Variants in PTPRD observed in about 807,000 individuals in gnomAD.
PTPRD encodes protein tyrosine phosphatase receptor type D.
PTPRD carries 34 observed loss-of-function variants against 214.5 expected under a neutral mutation model. The ratio of observed to expected loss-of-function variants is 0.16; its 90% CI spans 0.12 to 0.21. The LOEUF (loss-of-function observed/expected upper bound fraction) is 0.21. Among genes scored for constraint, PTPRD ranks in the 10% least tolerant of loss-of-function variants. The pLI, the probability that PTPRD is intolerant of heterozygous loss-of-function variation, is 1.00. For missense variants in PTPRD, 2,545 were observed against 2,398.7 expected (o/e 1.06, Z -1.27); for synonymous variants, 1,128 against 845.7 (o/e 1.33, Z -5.79).
intron 9 of PTPRD, among the ~76,000 whole-genome samples, chr9:9,331,020 T>C (rs1434590504): frequency 6.6e-6 from 1 of 151,798 alleles, no homozygotes; most frequent in Non-Finnish European, 1.5e-5. Context: ...TTGCATGGAA[T>C]AAAAAATCCT....
At chr9:8,884,823 C>A (rs1210560751) in intron 11 of PTPRD, among the ~76,000 whole-genome samples, 2 of 152,164 alleles carry the variant, frequency 1.3e-5, no homozygotes, top group Non-Finnish European at 2.9e-5. Flanking sequence ...TCACAAGTAT[C>A]TGTGGAGGGC....
At chr9:8,405,281 G>A (rs533918248) in intron 35 of PTPRD, among the ~76,000 whole-genome samples, 10 of 152,192 alleles carry the variant, frequency 6.6e-5, no homozygotes, top group African/African-American at 2.2e-4. Context: ...AGATGAATAA[G>A]ATACAACCCA....
At chr9:9,947,346 A>AATATATATTATATATT (rs2092733397) in intron 4 of PTPRD, among the ~76,000 whole-genome samples, 3 of 43,688 alleles carry the variant, frequency 6.9e-5, no homozygotes, top group African/African-American at 2.3e-4. Flanking sequence ...TTATATATAT[A>AATATATATTATATATT]ATATATATTA....
chr9:8,478,506 T>C lies in PTPRD; in HGVS notation c.3413+5613A>G, dbSNP rs532579773. Among the ~76,000 whole-genome samples, 4 of 151,278 alleles carry C rather than the reference T, an allele frequency of 2.6e-5. No homozygotes were observed. In the East Asian group the frequency reaches 5.8e-4, roughly 22 times the overall value. Reference sequence around the variant, plus strand: ...ACATTGAGTACCTTCTGGTAGTTTTTTCTCCTAGTATAATCTGTGTTGTGC... The same window carrying C: ...ACATTGAGTACCTTCTGGTAGTTTTCTCTCCTAGTATAATCTGTGTTGTGC... On this transcript the variant is annotated intron_variant, in intron 30 of 45. Transcript: ENST00000381196.
chr9:10,043,771 T>G (rs1391350890), intron 3 of PTPRD, among the ~76,000 whole-genome samples: 3 of 151,824 alleles, frequency 2.0e-5, no homozygotes, highest in Admixed American at 6.6e-5. Context: ...CATCCCTTGA[T>G]TATTTCATGT....
intron 10 of PTPRD, among the ~76,000 whole-genome samples, chr9:9,075,476 T>C (rs914056712): frequency 6.6e-6 from 1 of 152,226 alleles, no homozygotes; most frequent in African/African-American, 2.4e-5. Flanking sequence ...GTTTGTTACA[T>C]ATGTATACAT....
intron 2 of PTPRD, among the ~76,000 whole-genome samples, chr9:10,562,295 A>G (rs939303948): frequency 4.6e-5 from 7 of 151,344 alleles, no homozygotes; most frequent in African/African-American, 1.7e-4. Context: ...AACGTAATGG[A>G]GGGTTTCTTA....
intron 2 of PTPRD, among the ~76,000 whole-genome samples, chr9:10,377,635 G>A (rs2097756831): frequency 6.6e-6 from 1 of 152,010 alleles, no homozygotes; most frequent in African/African-American, 2.4e-5. Flanking sequence ...CATTTTTTAT[G>A]GCTGCATAGT....
chr9:8,720,587 C>A (rs984820240), intron 12 of PTPRD, among the ~76,000 whole-genome samples: 2 of 152,062 alleles, frequency 1.3e-5, no homozygotes, highest in East Asian at 3.9e-4. Flanking sequence ...AATTTATAAT[C>A]AAATTGACAA....
intron 12 of PTPRD, among the ~76,000 whole-genome samples, chr9:8,684,790 G>C (rs2097645099): frequency 6.6e-6 from 1 of 152,072 alleles, no homozygotes; most frequent in Non-Finnish European, 1.5e-5. Context: ...TTTGACAAAA[G>C]TGCTTCTACG....
At chr9:9,026,855 T>C (rs2099589076) in intron 10 of PTPRD, among the ~76,000 whole-genome samples, 1 of 151,842 alleles carries the variant, frequency 6.6e-6, no homozygotes, top group African/African-American at 2.4e-5. Context: ...TTCTCTAAGC[T>C]GGACTCTCCT....
At chr9:9,268,807 C>CA (rs66741804) in intron 9 of PTPRD, among the ~76,000 whole-genome samples, 9,571 of 110,026 alleles carry the variant, frequency 0.087, 375 homozygotes, top group African/African-American at 0.15. Flanking sequence ...TATCCACAAG[C>CA]AAAAAAAAAA....
chr9:8,854,487 TG>T (rs1258564879), intron 11 of PTPRD, among the ~76,000 whole-genome samples: 1 of 152,180 alleles, frequency 6.6e-6, no homozygotes, highest in Non-Finnish European at 1.5e-5. Context: ...AAATCAAGTT[TG>T]GTCTGAAGGA....
intron 5 of PTPRD, among the ~76,000 whole-genome samples, chr9:9,901,013 T>C (rs1042274375): frequency 4.6e-5 from 7 of 152,072 alleles, no homozygotes; most frequent in Non-Finnish European, 1.0e-4. Flanking sequence ...AGAAAAGAGG[T>C]TTATTTGTCT....
chr9:9,056,965 A>C (rs890197805), intron 10 of PTPRD, among the ~76,000 whole-genome samples: 1 of 152,172 alleles, frequency 6.6e-6, no homozygotes, highest in Non-Finnish European at 1.5e-5. Flanking sequence ...TAGGAACTTG[A>C]TGATCTTGCT....
At chr9:10,479,474 C>A (rs1013420046) in intron 2 of PTPRD, among the ~76,000 whole-genome samples, 1 of 152,004 alleles carries the variant, frequency 6.6e-6, no homozygotes, top group African/African-American at 2.4e-5. Context: ...CCCGGCACGA[C>A]TTCAACTTTA....
At chr9:8,513,199 TA>T (rs1413493703) in intron 21 of PTPRD, among the ~76,000 whole-genome samples, 3 of 152,156 alleles carry the variant, frequency 2.0e-5, no homozygotes, top group African/African-American at 7.2e-5. Context: ...TTTTCATATT[TA>T]AAACCATTTA....
intron 2 of PTPRD, among the ~76,000 whole-genome samples, chr9:10,400,317 T>C (rs1415935024): frequency 6.6e-6 from 1 of 151,834 alleles, no homozygotes; most frequent in Non-Finnish European, 1.5e-5. Context: ...TAATTATTAA[T>C]GTGGTTATTA....
At chr9:10,349,426 T>C (rs914139645) in intron 2 of PTPRD, among the ~76,000 whole-genome samples, 2 of 152,192 alleles carry the variant, frequency 1.3e-5, no homozygotes, top group South Asian at 2.1e-4. Context: ...CCAGTTAACA[T>C]TGTGGCCTAT....
Sources: allele counts gnomAD v4.1 joint callset (sites outside exome capture counted in the v4.1 genomes callset), GRCh38; gene constraint gnomAD v4.1.1; transcripts MANE v1.5; gene names NCBI Gene and HGNC (gene_info 2026-07-23, HGNC 2026-07-21).